SURF2: variants seen among roughly 807,000 people sequenced by gnomAD.
SURF2 encodes the protein surfeit 2, also known as surfeit locus protein 2.
Under a neutral mutation model 26.2 loss-of-function variants are expected in SURF2, and 32 were observed. That is an observed-to-expected ratio of 1.22 (90% CI 0.92 to 1.64). The LOEUF (loss-of-function observed/expected upper bound fraction) is 1.64, where lower values mean the gene tolerates loss of function less well. Ranked by LOEUF, SURF2 falls within the 40% of genes most tolerant of loss-of-function variation. SURF2 has a pLI of 0.00. For missense variants in SURF2, 415 were observed against 341.6 expected, an observed-to-expected ratio of 1.21 and a Z score of -1.69; for synonymous variants, 173 against 139.1, an observed-to-expected ratio of 1.24 and a Z score of -1.71.
intron 5 of SURF2, 141 bp downstream of exon 5, chr9:133,360,575 CGCTG>C (rs1347722062): frequency 1.1e-5 from 13 of 1,136,476 alleles, no homozygotes; most frequent in Non-Finnish European, 1.2e-6. Context: ...AAGCCGAGGC[CGCTG>C]GCTGGCGGAA....
In SURF2 at chr9:133,357,696, C is replaced by A; in HGVS notation, c.234-15C>A. Reference sequence around the variant, plus strand: ...TGTGAACTGTCCCTACAAATTTGGTCTCTCTGCTCTGTAGGCACCAGTTGT... The same window carrying A: ...TGTGAACTGTCCCTACAAATTTGGTATCTCTGCTCTGTAGGCACCAGTTGT... On this transcript the variant is annotated splice_polypyrimidine_tract_variant and intron_variant, in intron 2 of 5. Coordinates refer to ENST00000371964, the MANE Select transcript of SURF2 (RefSeq NM_017503.5). The A allele has an allele frequency of 6.2e-7, 1 of 1,613,102 alleles. No homozygotes were observed. The highest frequency in any genetic ancestry group is 8.5e-7 in the Non-Finnish European group (1 of 1,179,466).
At position 133,359,950 on chromosome 9, in the gene SURF2, A is replaced by C; in HGVS notation, c.338A>C (p.Tyr113Ser). ...CAGCACGTGCTGGCTTATCTCCCAG[A>C]TGAAGAATGTCAGAAGCAAGGGGTG... ...GRRYQRALCK[Y>S]EECQKQGVEY... Residue 113 changes from tyrosine to serine, a missense_variant and splice_region_variant, in exon 4 of 6, where the codon TAT becomes TCT. Coordinates refer to ENST00000371964, the MANE Select transcript of SURF2 (RefSeq NM_017503.5). 6 of 1,607,770 alleles carry C rather than the reference A, an allele frequency of 3.7e-6. No individual in the cohort carries two copies. Among genetic ancestry groups the C allele is most frequent in the Non-Finnish European group, 5.1e-6 (6 of 1,176,392 alleles).
In SURF2 at chr9:133,359,945, C is replaced by G. The variant is rs2130045306; in HGVS notation, c.338-5C>G. ...GTACCCAGCACGTGCTGGCTTATCTCCCAGATGAAGAATGTCAGAAGCAAG... is the reference window on the plus strand; with the variant it reads ...GTACCCAGCACGTGCTGGCTTATCTGCCAGATGAAGAATGTCAGAAGCAAG... On this transcript the variant is annotated splice_polypyrimidine_tract_variant and splice_region_variant and intron_variant, in intron 3 of 5. Transcript: ENST00000371964. The G allele has an allele frequency of 6.2e-7, 1 of 1,605,490 alleles. No individual in the cohort carries two copies. Among genetic ancestry groups the G allele is most frequent in the Admixed American group, 1.7e-5 (1 of 59,496 alleles).
At position 133,357,071 on chromosome 9, in the gene SURF2, AG is replaced by A; in HGVS notation, c.233+5del. ...ATCGTGCCCAGCACCAAGAACCCGT[AG>A]GTGGTCCGCGGCGGCGCGGGGAGGC... On this transcript the variant is annotated splice_donor_region_variant and intron_variant, in intron 2 of 5. Coordinates refer to ENST00000371964, the MANE Select transcript of SURF2 (RefSeq NM_017503.5). 6.4e-7 allele frequency: 1 copy of A among 1,566,302 alleles called. No individual in the cohort carries two copies. Among genetic ancestry groups the A allele is most frequent in the South Asian group, 1.2e-5 (1 of 85,450 alleles).
chr9:133,358,140 G>A (rs75001895), intron 3 of SURF2, among the ~76,000 whole-genome samples: 1 of 152,210 alleles, frequency 6.6e-6, no homozygotes, highest in African/African-American at 2.4e-5. Context: ...TCGAGGCTGA[G>A]GCTGGAGGGA....
Position 133,360,384 on chromosome 9 carries a change from G to A in SURF2, c.637G>A (p.Gly213Ser), listed in dbSNP as rs12763. The A allele has an allele frequency of 0.38, 617,494 of 1,612,964 alleles. 121,454 individuals carry two copies. Among genetic ancestry groups the A allele is most frequent in the South Asian group, 0.46 (42,322 of 91,054 alleles). The change falls in exon 5 of 6, where the codon GGC (glycine) becomes AGC (serine). Residue 213 changes from glycine (G) to serine (S), a missense_variant. Coordinates refer to ENST00000371964, the MANE Select transcript of SURF2 (RefSeq NM_017503.5). ...KPPREKATDE[G>S]RRETTVYRGL... ...CCCAAGAGAGAAGGCCACTGATGAGGGCAGGAGAGAGACGACCGTGTACCG... is the reference window on the plus strand; with the variant it reads ...CCCAAGAGAGAAGGCCACTGATGAGAGCAGGAGAGAGACGACCGTGTACCG...
chr9:133,358,331 G>A (rs147564150), intron 3 of SURF2, among the ~76,000 whole-genome samples: 1 of 152,142 alleles, frequency 6.6e-6, no homozygotes, highest in Admixed American at 6.5e-5. Flanking sequence ...AGAGGGTTGG[G>A]TGGGGGCTGC....
Position 133,357,042 on chromosome 9 carries a change from G to A in SURF2, c.207G>A (p.Pro69=). The A allele has an allele frequency of 1.3e-6, 2 of 1,578,548 alleles. No individual in the cohort carries two copies. The highest frequency in any genetic ancestry group is 2.3e-5 in the East Asian group (1 of 43,384). ...SPAFDYAEFE[P]HIVPSTKNPH... is the part of the protein sequence containing the mutation. ...CCTTCGACTATGCAGAGTTCGAGCCGCACATCGTGCCCAGCACCAAGAACC... is the reference window on the plus strand; with the variant it reads ...CCTTCGACTATGCAGAGTTCGAGCCACACATCGTGCCCAGCACCAAGAACC... The change falls in exon 2 of 6, where the codon CCG becomes CCA. Residue 69 remains proline, a synonymous_variant. Transcript: ENST00000371964.
At chr9:133,359,908 G>A in intron 3 of SURF2, 42 bp from the exon 4 acceptor site, 1 of 1,565,292 alleles carries the variant, frequency 6.4e-7, no homozygotes, top group South Asian at 1.2e-5. Flanking sequence ...GAGGACCGTG[G>A]GGGGTGTGGA....
At chr9:133,356,792 G>T in intron 1 of SURF2, 122 bp downstream of exon 1, 1 of 1,412,436 alleles carries the variant, frequency 7.1e-7, no homozygotes, top group Non-Finnish European at 9.3e-7. Flanking sequence ...AGGAGAGAGG[G>T]GAGGGCAGGG....
rs1193992476 is a variant in SURF2 at position 133,356,910 on chromosome 9, G to T, written c.79-4G>T. ...TGACGTCCTGCCCGCCCACGCGTCCGCAGGTGAGGTGCATCCTGACAGGTC... is the reference window on the plus strand; with the variant it reads ...TGACGTCCTGCCCGCCCACGCGTCCTCAGGTGAGGTGCATCCTGACAGGTC... On this transcript the variant is annotated splice_region_variant and splice_polypyrimidine_tract_variant and intron_variant, in intron 1 of 5. Coordinates refer to ENST00000371964, the MANE Select transcript of SURF2 (RefSeq NM_017503.5). The T allele has an allele frequency of 1.3e-6, 2 of 1,548,134 alleles. No individual in the cohort carries two copies. The highest frequency in any genetic ancestry group is 4.9e-5 in the East Asian group (2 of 41,148).
Position 133,357,769 on chromosome 9 carries a change from C to T in SURF2, c.292C>T (p.Leu98=). 1 of 1,613,798 alleles carries T rather than the reference C, an allele frequency of 6.2e-7. No individual in the cohort carries two copies. Among genetic ancestry groups the T allele is most frequent in the African/African-American group, 1.3e-5 (1 of 75,068 alleles). Residue 98 remains leucine (L), a synonymous_variant, in exon 3 of 6, where the codon CTG becomes TTG. Coordinates refer to ENST00000371964, the MANE Select transcript of SURF2 (RefSeq NM_017503.5). ...CATCAACAAGTGCCCAGAACACGTG[C>T]TGAGGCACACCCAGGGCCGGCGGTA... The part of the protein sequence containing the change: ...RHINKCPEHV[L]RHTQGRRYQR...
At chr9:133,358,767 C>CCG (rs1477929150) in intron 3 of SURF2, among the ~76,000 whole-genome samples, 2 of 152,084 alleles carry the variant, frequency 1.3e-5, no homozygotes, top group Non-Finnish European at 2.9e-5. Flanking sequence ...AGGGCAGTGT[C>CCG]CGGCCTTAGG....
chr9:133,357,788 G>C lies in SURF2; in HGVS notation c.311G>C (p.Arg104Pro). The part of the protein sequence containing the change: ...PEHVLRHTQG[R>P]RYQRALCKYE... ...CACGTGCTGAGGCACACCCAGGGCC[G>C]GCGGTACCAGCGAGCTCTGTGTAAA... The change falls in exon 3 of 6, where the codon CGG (arginine) becomes CCG (proline). Residue 104 changes from arginine (R) to proline (P), a missense_variant. Arg to Pro is a moderately radical substitution (Grantham distance 103). Coordinates refer to ENST00000371964, the MANE Select transcript of SURF2 (RefSeq NM_017503.5). 6.2e-7 allele frequency: 1 copy of C among 1,613,664 alleles called. No homozygotes were observed. The highest frequency in any genetic ancestry group is 8.5e-7 in the Non-Finnish European group (1 of 1,180,022).
chr9:133,360,485 G>A (rs1480528988), intron 5 of SURF2, 51 bp downstream of exon 5: 6 of 1,494,892 alleles, frequency 4.0e-6, no homozygotes, highest in Non-Finnish European at 5.3e-6. Context: ...CCTAGTGATG[G>A]TTTTCCATTT....
chr9:133,359,277 A>G (rs1042844792), intron 3 of SURF2, among the ~76,000 whole-genome samples: 1 of 152,168 alleles, frequency 6.6e-6, no homozygotes, highest in Non-Finnish European at 1.5e-5. Context: ...TGGCAGAGAC[A>G]AGGAGGGAAA....
rs1221904220 is a variant in SURF2, at chr9:133,360,416, G to A, written c.669G>A (p.Leu223=). Residue 223 remains leucine, a synonymous_variant, in exon 5 of 6, where the codon CTG becomes CTA. Coordinates refer to ENST00000371964, the MANE Select transcript of SURF2 (RefSeq NM_017503.5). ...GAGAGACGACCGTGTACCGAGGGCT[G>A]GTCCAGAAGCGCGGGAAGGTGAGCT... The part of the protein sequence containing the change: ...GRRETTVYRG[L]VQKRGKKQLG... 6.2e-7 allele frequency: 1 copy of A among 1,610,218 alleles called. No individual in the cohort carries two copies. The highest frequency in any genetic ancestry group is 1.7e-4 in the Middle Eastern group (1 of 6,034).
Position 133,360,246 on chromosome 9 carries a change from A to G in SURF2, c.518-19A>G, listed in dbSNP as rs186385572. The G allele has an allele frequency of 5.6e-6, 9 of 1,611,520 alleles. No homozygotes were observed. In the East Asian group the frequency reaches 2.0e-4, roughly 36 times the overall value. On this transcript the variant is annotated intron_variant, in intron 4 of 5. Transcript: ENST00000371964. ...CTCAGCCTAAAATAACTGTCAGCCA[A>G]TCCCTGTGTTCCTCCCAGCTGAGCT...
intron 2 of SURF2, among the ~76,000 whole-genome samples, chr9:133,357,502 G>A (rs958100529): frequency 6.6e-6 from 1 of 152,094 alleles, no homozygotes; most frequent in South Asian, 2.1e-4. Context: ...GCTGCCATGC[G>A]TGCTTTTCCG....
Sources: allele counts gnomAD v4.1 joint callset (sites outside exome capture counted in the v4.1 genomes callset), GRCh38; gene constraint gnomAD v4.1.1; transcripts MANE v1.5; gene names NCBI Gene and HGNC (gene_info 2026-07-23, HGNC 2026-07-21).